The following USP32 variants were observed in gnomAD, a reference collection of about 807,000 sequenced individuals.
USP32 encodes the protein ubiquitin carboxyl-terminal hydrolase 32.
USP32 carries 59 observed loss-of-function variants against 204.8 expected under a neutral mutation model. The observed-to-expected ratio is 0.29, with a 90% CI of 0.23 to 0.36. The LOEUF (loss-of-function observed/expected upper bound fraction) is 0.36, where lower values mean the gene tolerates loss of function less well. USP32 is among the 10% of genes least tolerant of loss of function. The pLI is 1.00. For synonymous variants in USP32, 517 were observed against 678.4 expected (o/e 0.76, Z 3.70); for missense variants, 1,160 against 1,946.4 (o/e 0.60, Z 7.60).
At chr17:60,339,854 T>C (rs7217067) in intron 2 of USP32, among the ~76,000 whole-genome samples, 149,443 of 152,252 alleles carry the variant, frequency 0.98, 73,361 homozygotes, top group East Asian at 1. Flanking sequence ...CCCAAAAATA[T>C]CGTTCCTTGC....
intron 1 of USP32, among the ~76,000 whole-genome samples, chr17:60,398,694 C>G (rs753011474): frequency 1.3e-5 from 2 of 151,976 alleles, no homozygotes; most frequent in Non-Finnish European, 2.9e-5. Context: ...GGTACAGTGG[C>G]TGGCTCAGAA....
chr17:60,385,419 G>A (rs181565157), intron 1 of USP32, among the ~76,000 whole-genome samples: 2 of 152,298 alleles, frequency 1.3e-5, no homozygotes, highest in East Asian at 3.9e-4. Context: ...GGTGGCACAC[G>A]CCTGTAGTCC....
chr17:60,297,447 C>CTT (rs76483542), intron 3 of USP32, among the ~76,000 whole-genome samples: 22 of 144,174 alleles, frequency 1.5e-4, no homozygotes, highest in Non-Finnish European at 2.6e-4. Flanking sequence ...TTTTCCTTTT[C>CTT]TTTTTTTTTT....
intron 2 of USP32, among the ~76,000 whole-genome samples, chr17:60,328,919 A>G (rs1393635451): frequency 2.6e-5 from 4 of 151,434 alleles, no homozygotes; most frequent in African/African-American, 9.8e-5. Context: ...ACTCTAGCTC[A>G]CACACCCCTC....
chr17:60,210,938 C>T (rs1344363006), intron 21 of USP32, 75 bp downstream of exon 21: 1 of 1,509,162 alleles, frequency 6.6e-7, no homozygotes, highest in Non-Finnish European at 8.9e-7. Context: ...AGGCTAAACA[C>T]AAAAAACAAG....
At chr17:60,205,310 G>T in intron 26 of USP32, 137 bp downstream of exon 26, 1 of 1,347,688 alleles carries the variant, frequency 7.4e-7, no homozygotes, top group Non-Finnish European at 9.6e-7. Context: ...AATAAAATTT[G>T]TAAAATTATT....
intron 16 of USP32, among the ~76,000 whole-genome samples, chr17:60,218,148 G>A (rs1454427534): frequency 6.6e-6 from 1 of 152,108 alleles, no homozygotes; most frequent in Non-Finnish European, 1.5e-5. Flanking sequence ...TACCAAACAG[G>A]CCGAGGTGGA....
intron 2 of USP32, among the ~76,000 whole-genome samples, chr17:60,322,116 A>G (rs182301071): frequency 4.6e-5 from 7 of 152,290 alleles, no homozygotes; most frequent in African/African-American, 1.7e-4. Context: ...TGTGTTTAAC[A>G]TAAGACTCAA....
chr17:60,409,239 T>C (rs1182744687), intron 1 of USP32, among the ~76,000 whole-genome samples: 2 of 152,180 alleles, frequency 1.3e-5, no homozygotes, highest in South Asian at 4.1e-4. Context: ...TCCCCGCTGC[T>C]AGAGGGGCTG....
chr17:60,339,310 T>C (rs1356397241), intron 2 of USP32, among the ~76,000 whole-genome samples: 1 of 151,890 alleles, frequency 6.6e-6, no homozygotes, highest in Non-Finnish European at 1.5e-5. Context: ...TGGCCGAGCA[T>C]GGTGGCTTAC....
chr17:60,405,791 A>ATAAAT (rs1430009224), intron 1 of USP32, among the ~76,000 whole-genome samples: 7 of 152,212 alleles, frequency 4.6e-5, no homozygotes, highest in Non-Finnish European at 4.4e-5. Flanking sequence ...AAATAAATAA[A>ATAAAT]TAAAAGGCAC....
intron 27 of USP32, among the ~76,000 whole-genome samples, chr17:60,196,405 C>T (rs1459995213): frequency 6.6e-6 from 1 of 152,192 alleles, no homozygotes; most frequent in South Asian, 2.1e-4. Flanking sequence ...CAAATTTAAT[C>T]TTGTCCAACT....
intron 9 of USP32, among the ~76,000 whole-genome samples, chr17:60,260,479 C>T (rs570291407): frequency 2.7e-5 from 4 of 149,928 alleles, no homozygotes; most frequent in African/African-American, 4.9e-5. Context: ...GCCAAAATCA[C>T]GCTATTACAC....
chr17:60,222,294 T>A, intron 15 of USP32, 115 bp downstream of exon 15: 1 of 1,214,350 alleles, frequency 8.2e-7, no homozygotes, highest in South Asian at 1.6e-5. Flanking sequence ...TTCAGAACAC[T>A]CTTCTACCAC....
At chr17:60,297,012 G>A (rs886586722) in intron 3 of USP32, among the ~76,000 whole-genome samples, 6 of 152,190 alleles carry the variant, frequency 3.9e-5, no homozygotes, top group South Asian at 2.1e-4. Flanking sequence ...AAGATCAGAA[G>A]ACTGACAGAC....
intron 3 of USP32, among the ~76,000 whole-genome samples, chr17:60,300,344 T>C (rs1246206731): frequency 2.6e-5 from 4 of 151,672 alleles, no homozygotes; most frequent in African/African-American, 9.8e-5. Flanking sequence ...ATGAACTTTT[T>C]AAAAGTAAAT....
intron 27 of USP32, among the ~76,000 whole-genome samples, chr17:60,197,071 C>T (rs2084539651): frequency 6.6e-6 from 1 of 151,732 alleles, no homozygotes; most frequent in Admixed American, 6.6e-5. Context: ...ATCCCAGCTA[C>T]TCAGGTGTCT....
intron 1 of USP32, among the ~76,000 whole-genome samples, chr17:60,416,006 A>G (rs374486747): frequency 6.6e-6 from 1 of 151,848 alleles, no homozygotes; most frequent in Non-Finnish European, 1.5e-5. Flanking sequence ...CGCCCAGCTA[A>G]TTTTTGTATT....
At chr17:60,188,912 C>CCA (rs2084311723) in intron 29 of USP32, among the ~76,000 whole-genome samples, 1 of 152,226 alleles carries the variant, frequency 6.6e-6, no homozygotes, top group African/African-American at 2.4e-5. Flanking sequence ...CCCTTCACTT[C>CCA]CATGGTATCC....
Sources: gnomAD v4.1 joint callset for allele counts (sites outside exome capture counted in the v4.1 genomes callset) on GRCh38, gnomAD v4.1.1 for gene constraint, MANE v1.5 for transcripts, NCBI Gene and HGNC (gene_info 2026-07-23, HGNC 2026-07-21) for gene names.